Variants in TMEFF2 observed in about 807,000 individuals in gnomAD.
TMEFF2 encodes transmembrane protein with EGF like and two follistatin like domains 2.
TMEFF2 carries 28 observed loss-of-function variants against 53.8 expected under a neutral mutation model. The observed-to-expected ratio is 0.52, with a 90% CI of 0.39 to 0.71. TMEFF2 has a LOEUF of 0.71. TMEFF2 is among the 30% of genes least tolerant of loss of function. The pLI is 0.00. For missense variants in TMEFF2, 353 were observed against 455.2 expected, an observed-to-expected ratio of 0.78 and a Z score of 2.04; for synonymous variants, 162 against 166.3, an observed-to-expected ratio of 0.97 and a Z score of 0.20.
intron 7 of TMEFF2, among the ~76,000 whole-genome samples, chr2:191,996,075 T>C (rs1686215085): frequency 1.3e-5 from 2 of 151,924 alleles, no homozygotes; most frequent in Admixed American, 6.6e-5. Context: ...AGATAATCTG[T>C]TTAAAAAACC....
At chr2:192,132,672 A>G (rs1466102590) in intron 4 of TMEFF2, among the ~76,000 whole-genome samples, 1 of 152,094 alleles carries the variant, frequency 6.6e-6, no homozygotes, top group Admixed American at 6.6e-5. Flanking sequence ...GCGTTCCTCC[A>G]GGCCCGCTTC....
At chr2:192,010,909 A>G (rs1371913146) in intron 5 of TMEFF2, among the ~76,000 whole-genome samples, 2 of 152,166 alleles carry the variant, frequency 1.3e-5, no homozygotes, top group Admixed American at 6.5e-5. Context: ...GGACATGTAA[A>G]TCCTTTCTCC....
chr2:192,189,786 T>A (rs1409870772), intron 2 of TMEFF2, among the ~76,000 whole-genome samples: 1 of 152,046 alleles, frequency 6.6e-6, no homozygotes, highest in Admixed American at 6.6e-5. Flanking sequence ...AACTTATACT[T>A]TTCTTTGATT....
At chr2:192,134,300 T>C (rs10186491) in intron 4 of TMEFF2, among the ~76,000 whole-genome samples, 3,327 of 152,164 alleles carry the variant, frequency 0.022, 107 homozygotes, top group African/African-American at 0.077. Flanking sequence ...CCACACCTGA[T>C]CCCCATGACT....
chr2:192,014,477 GGTTA>G (rs1035623724), intron 5 of TMEFF2, among the ~76,000 whole-genome samples: 31 of 152,136 alleles, frequency 2.0e-4, no homozygotes, highest in Non-Finnish European at 2.5e-4. Context: ...TTCTTTCAAT[GGTTA>G]GTTAATCTGT....
At chr2:191,968,219 C>T (rs1168084213) in intron 7 of TMEFF2, among the ~76,000 whole-genome samples, 2 of 152,162 alleles carry the variant, frequency 1.3e-5, no homozygotes, top group African/African-American at 4.8e-5. Context: ...TTTATGATTG[C>T]TTCAATTTAC....
At chr2:192,132,090 T>A (rs1393610190) in intron 4 of TMEFF2, among the ~76,000 whole-genome samples, 4 of 152,000 alleles carry the variant, frequency 2.6e-5, no homozygotes, top group African/African-American at 9.7e-5. Context: ...TACAGACCCA[T>A]CTGACCTCTC....
intron 4 of TMEFF2, among the ~76,000 whole-genome samples, chr2:192,088,591 A>C (rs1227628453): frequency 6.6e-6 from 1 of 152,120 alleles, no homozygotes; most frequent in East Asian, 1.9e-4. Flanking sequence ...TATAGTGCAA[A>C]ATTGAATCAA....
At chr2:192,181,643 A>G (rs1196018350) in intron 3 of TMEFF2, among the ~76,000 whole-genome samples, 2 of 151,786 alleles carry the variant, frequency 1.3e-5, no homozygotes, top group Non-Finnish European at 2.9e-5. Context: ...CAGGAACATA[A>G]TAATTAAAAT....
chr2:191,961,417 T>C (rs1156504817), intron 7 of TMEFF2, among the ~76,000 whole-genome samples: 1 of 152,204 alleles, frequency 6.6e-6, no homozygotes, highest in Non-Finnish European at 1.5e-5. Flanking sequence ...GTTTATGTAA[T>C]CTTGCTATTT....
At chr2:192,119,759 T>C (rs1408515706) in intron 4 of TMEFF2, among the ~76,000 whole-genome samples, 1 of 152,192 alleles carries the variant, frequency 6.6e-6, no homozygotes, top group East Asian at 1.9e-4. Flanking sequence ...TTACTTGTGA[T>C]TCAAACAATG....
At chr2:191,972,065 A>G (rs955427843) in intron 7 of TMEFF2, among the ~76,000 whole-genome samples, 4 of 152,044 alleles carry the variant, frequency 2.6e-5, no homozygotes, top group African/African-American at 4.8e-5. Flanking sequence ...GCTATGGTGG[A>G]GAGAGGGATA....
At chr2:192,134,316 T>G (rs2105981764) in intron 4 of TMEFF2, among the ~76,000 whole-genome samples, 1 of 152,262 alleles carries the variant, frequency 6.6e-6, no homozygotes, top group African/African-American at 2.4e-5. Context: ...TGACTGCATC[T>G]CTCTGATCCA....
chr2:192,126,894 C>T (rs1275799084), intron 4 of TMEFF2, among the ~76,000 whole-genome samples: 2 of 152,078 alleles, frequency 1.3e-5, no homozygotes, highest in Non-Finnish European at 2.9e-5. Flanking sequence ...AAAATAATGC[C>T]CTTCCTCCCA....
At chr2:192,136,871 A>G (rs1282583193) in intron 4 of TMEFF2, among the ~76,000 whole-genome samples, 1 of 152,258 alleles carries the variant, frequency 6.6e-6, no homozygotes, top group East Asian at 1.9e-4. Flanking sequence ...CCTTTCATCT[A>G]AAAGATAACA....
At chr2:191,981,434 C>T (rs1685849674) in intron 7 of TMEFF2, among the ~76,000 whole-genome samples, 1 of 152,198 alleles carries the variant, frequency 6.6e-6, no homozygotes, top group Non-Finnish European at 1.5e-5. Flanking sequence ...CACACATCAG[C>T]TGGAATCCCT....
intron 4 of TMEFF2, among the ~76,000 whole-genome samples, chr2:192,158,431 T>C (rs749022107): frequency 6.6e-6 from 1 of 152,142 alleles, no homozygotes; most frequent in Non-Finnish European, 1.5e-5. Context: ...GTAATGTTCA[T>C]TACTTGGCAC....
At chr2:192,189,197 G>A (rs10204311) in intron 2 of TMEFF2, among the ~76,000 whole-genome samples, 133,490 of 151,952 alleles carry the variant, frequency 0.88, 58,777 homozygotes, top group East Asian at 1. Context: ...AACATTATAG[G>A]TATAAAAATA....
intron 4 of TMEFF2, among the ~76,000 whole-genome samples, chr2:192,085,602 T>G (rs1003228433): frequency 6.6e-6 from 1 of 151,810 alleles, no homozygotes; most frequent in African/African-American, 2.4e-5. Context: ...CATCTCGCTA[T>G]CTCAACTATG....
Sources: gnomAD v4.1 joint callset for allele counts (sites outside exome capture counted in the v4.1 genomes callset) on GRCh38, gnomAD v4.1.1 for gene constraint, MANE v1.5 for transcripts, NCBI Gene and HGNC (gene_info 2026-07-23, HGNC 2026-07-21) for gene names.